GPC5: variants seen among roughly 807,000 people sequenced by gnomAD.
The protein encoded by GPC5 is glypican-5.
Under a neutral mutation model 53.9 loss-of-function variants are expected in GPC5, and 47 were observed. The observed-to-expected ratio is 0.87, with a 90% confidence interval of 0.69 to 1.11. GPC5 has a LOEUF of 1.11. Ranked by LOEUF, GPC5 falls within the 50% of genes most tolerant of loss-of-function variation. The probability of loss-of-function intolerance (pLI) is 0.00; values close to 1 mark genes in which losing one functional copy is unlikely to be tolerated. For synonymous variants in GPC5, 286 were observed against 263.3 expected, an observed-to-expected ratio of 1.09 and a Z score of -0.84; for missense variants, 748 against 713.1, an observed-to-expected ratio of 1.05 and a Z score of -0.56.
intron 7 of GPC5, among the ~76,000 whole-genome samples, chr13:92,598,672 G>A (rs571583045): frequency 5.9e-5 from 9 of 152,148 alleles, no homozygotes; most frequent in African/African-American, 1.9e-4. Flanking sequence ...AATTTACACC[G>A]AACAAATTGT....
In GPC5 at chr13:92,347,891, T is replaced by TG. The variant is rs1491275327; in HGVS notation, c.1561+202902_1561+202903insG. Among the ~76,000 whole-genome samples the TG allele has an allele frequency of 1.2e-4, 2 of 16,350 alleles. 1 individual carries two copies. The highest frequency in any genetic ancestry group is 2.4e-3 in the Admixed American group (2 of 848). 10.7% of individuals were successfully genotyped at this position (16,350 alleles called of 152,430 possible). A position where few individuals can be genotyped will look rare whatever the true frequency, so the allele number is the denominator to read the frequency against. Reference sequence around the variant, plus strand: ...ATATATATAATATATATTATATATATTATATATATAATATATATATAATAT... The same window carrying TG: ...ATATATATAATATATATTATATATATGTATATATATAATATATATATAATAT... On this transcript the variant is annotated intron_variant, in intron 7 of 7. Transcript: ENST00000377067.
At chr13:91,583,027 C>A (rs1375331571) in intron 2 of GPC5, among the ~76,000 whole-genome samples, 1 of 151,722 alleles carries the variant, frequency 6.6e-6, no homozygotes. Flanking sequence ...ATAAATAAAT[C>A]TATTTATAGT....
chr13:91,736,967 TA>T (rs1271012573), intron 4 of GPC5, among the ~76,000 whole-genome samples: 1 of 149,080 alleles, frequency 6.7e-6, no homozygotes. Context: ...TTATTATTAT[TA>T]TTATTTTTGA....
rs1046436100 is a variant in GPC5 at position 91,398,701 on chromosome 13, C to T, written c.-346C>T. 8.2e-6 allele frequency: 2 copies of T among 244,568 alleles called. No homozygotes were observed. The highest frequency in any genetic ancestry group is 2.3e-5 in the African/African-American group (1 of 44,146). 15.1% of individuals were successfully genotyped at this position (244,568 alleles called of 1,614,324 possible). A position where few individuals can be genotyped will look rare whatever the true frequency, so the allele number is the denominator to read the frequency against. ...GCAGTGGCGGCAGTGGCGGCAGTGG[C>T]GGCAGCGGCAGCAGTTGCAGCAGTG... is the stretch of plus-strand genomic sequence containing the variant. On this transcript the variant is annotated 5_prime_UTR_variant, in exon 1 of 8. Coordinates refer to ENST00000377067, the MANE Select transcript of GPC5 (RefSeq NM_004466.6).
chr13:91,551,004 T>C (rs2030606119), intron 2 of GPC5, among the ~76,000 whole-genome samples: 1 of 152,168 alleles, frequency 6.6e-6, no homozygotes, highest in South Asian at 2.1e-4. Flanking sequence ...GTCTTGAGTG[T>C]GTCTTTATTA....
At chr13:91,955,122 A>C (rs1178444764) in intron 6 of GPC5, among the ~76,000 whole-genome samples, 1 of 152,184 alleles carries the variant, frequency 6.6e-6, no homozygotes, top group African/African-American at 2.4e-5. Context: ...CCTGGACTAG[A>C]AAACTCAATA....
chr13:92,604,985 A>C (rs1047208103), intron 7 of GPC5, among the ~76,000 whole-genome samples: 2 of 152,224 alleles, frequency 1.3e-5, no homozygotes, highest in Admixed American at 6.5e-5. Context: ...TGGAGCTTTC[A>C]GCAGTCACTG....
intron 7 of GPC5, among the ~76,000 whole-genome samples, chr13:92,360,795 T>A (rs967478486): frequency 6.6e-6 from 1 of 151,840 alleles, no homozygotes; most frequent in Non-Finnish European, 1.5e-5. Context: ...GGATACAAAA[T>A]CATTTTACAA....
At position 92,463,773 on chromosome 13, in the gene GPC5, A is replaced by G. The variant is rs1339463974; in HGVS notation, c.1561+318784A>G. On this transcript the variant is annotated intron_variant, in intron 7 of 7. Coordinates refer to ENST00000377067, the MANE Select transcript of GPC5 (RefSeq NM_004466.6). ...CCACAAATAGCATTTTTCAGTTGTG[A>G]GACACAAAGCTTTTTTCTACTATGA... Among the ~76,000 whole-genome samples the G allele has an allele frequency of 2.0e-5, 3 of 152,160 alleles. No individual in the cohort carries two copies. The East Asian group carries it at 5.8e-4, about 29-fold the overall frequency.
At chr13:91,405,585 T>C (rs1163914134) in intron 1 of GPC5, among the ~76,000 whole-genome samples, 4 of 152,178 alleles carry the variant, frequency 2.6e-5, no homozygotes, top group Non-Finnish European at 1.5e-5. Flanking sequence ...GTGTGGCACT[T>C]TTCACGGCGC....
intron 5 of GPC5, among the ~76,000 whole-genome samples, chr13:91,844,088 G>C (rs2038821354): frequency 6.6e-6 from 1 of 152,160 alleles, no homozygotes; most frequent in African/African-American, 2.4e-5. Flanking sequence ...AGGACAGGAG[G>C]TAAAGGATAA....
intron 7 of GPC5, among the ~76,000 whole-genome samples, chr13:92,493,349 G>A (rs747842321): frequency 7.2e-5 from 11 of 152,210 alleles, no homozygotes; most frequent in Middle Eastern, 3.4e-3. Flanking sequence ...GAAATAACAG[G>A]GAGGGAACAC....
rs534528222 is a variant in GPC5, at chr13:91,434,379, T to C, written c.164-14382T>C. Among the ~76,000 whole-genome samples the C allele has an allele frequency of 3.8e-3, 583 of 152,196 alleles. 2 individuals carry two copies. Among genetic ancestry groups the C allele is most frequent in the Non-Finnish European group, 5.8e-3 (397 of 68,002 alleles). ...AATCCATCTTGAATTAATTTTTGTA[T>C]AAGGTGTAAGGAAGGGATCCAGTTT... On this transcript the variant is annotated intron_variant, in intron 1 of 7. Transcript: ENST00000377067.
At chr13:91,980,612 C>T (rs780158850) in intron 6 of GPC5, among the ~76,000 whole-genome samples, 4 of 152,002 alleles carry the variant, frequency 2.6e-5, no homozygotes, top group Admixed American at 6.6e-5. Flanking sequence ...GTCCGATGTC[C>T]AGCTCTTTAC....
At chr13:92,802,102 C>G (rs1876927102) in intron 7 of GPC5, among the ~76,000 whole-genome samples, 1 of 149,464 alleles carries the variant, frequency 6.7e-6, no homozygotes, top group African/African-American at 2.5e-5. Flanking sequence ...TCCTGCAAAT[C>G]TCCATTAATA....
chr13:92,695,651 G>T (rs1287939794), intron 7 of GPC5, among the ~76,000 whole-genome samples: 6 of 150,884 alleles, frequency 4.0e-5, no homozygotes, highest in Non-Finnish European at 8.8e-5. Context: ...ACAGACTTTT[G>T]GTAGGACTTA....
intron 7 of GPC5, among the ~76,000 whole-genome samples, chr13:92,223,012 T>G (rs1054320211): frequency 3.3e-5 from 5 of 152,174 alleles, no homozygotes; most frequent in Non-Finnish European, 7.4e-5. Flanking sequence ...TTATAGATTT[T>G]TTATGAGGAC....
intron 7 of GPC5, among the ~76,000 whole-genome samples, chr13:92,737,830 G>C (rs1344921545): frequency 7.8e-6 from 1 of 128,230 alleles, no homozygotes; most frequent in Non-Finnish European, 1.6e-5. Context: ...ACAATGGCGT[G>C]ATCTTGGCTC....
chr13:92,402,533 A>G (rs1875603949), intron 7 of GPC5, among the ~76,000 whole-genome samples: 2 of 152,144 alleles, frequency 1.3e-5, no homozygotes, highest in African/African-American at 4.8e-5. Flanking sequence ...TTGTCAGTAT[A>G]ATGTCCAAGA....
Sources: allele counts gnomAD v4.1 joint callset (sites outside exome capture counted in the v4.1 genomes callset), GRCh38; gene constraint gnomAD v4.1.1; transcripts MANE v1.5; gene names NCBI Gene and HGNC (gene_info 2026-07-23, HGNC 2026-07-21).